Variants in CHM observed in about 807,000 individuals in gnomAD.
CHM encodes rab proteins geranylgeranyltransferase component A 1.
CHM carries 10 observed loss-of-function variants against 49.0 expected under a neutral mutation model. That is an observed-to-expected ratio of 0.20 (90% CI 0.13 to 0.35). CHM has a LOEUF of 0.35. Ranked by LOEUF, CHM falls within the 10% of genes least tolerant of loss-of-function variation. The pLI is 1.00. For synonymous variants in CHM, 184 were observed against 167.5 expected (o/e 1.10, Z -0.76); for missense variants, 455 against 478.4 (o/e 0.95, Z 0.46).
At chrX:85,909,377 T>C (rs755755296) in intron 9 of CHM, among the ~76,000 whole-genome samples, 1 of 111,359 alleles carries the variant, frequency 9.0e-6, no homozygotes, top group Non-Finnish European at 1.9e-5. Context: ...ATCAGTGTTA[T>C]CTAATCTAAG....
Position 85,917,271 on chromosome X carries a change from C to A in CHM, c.1167-5933G>T, listed in dbSNP as rs187784369. 2.1e-3 allele frequency among the ~76,000 whole-genome samples: 233 copies of A among 110,428 alleles called. 1 individual carries two copies. Among genetic ancestry groups the A allele is most frequent in the Middle Eastern group, 4.6e-3 (1 of 216 alleles). ...GAATATGTGGTCATATAGAGGGGAA[C>A]AACATACACTGGGGCCTATGGGTCA... On this transcript the variant is annotated intron_variant, in intron 8 of 14. Transcript: ENST00000357749.
At chrX:86,034,438 G>T (rs1265893533) in intron 1 of CHM, among the ~76,000 whole-genome samples, 2 of 111,489 alleles carry the variant, frequency 1.8e-5, no homozygotes, top group African/African-American at 3.3e-5. Context: ...CCCCAAAATA[G>T]AAATGGGTAG....
intron 1 of CHM, among the ~76,000 whole-genome samples, chrX:86,036,818 C>A (rs1428306762): frequency 9.0e-6 from 1 of 111,231 alleles, no homozygotes; most frequent in Non-Finnish European, 1.9e-5. Context: ...GGAATTTGGG[C>A]AAGATAAAAA....
chrX:85,875,455 T>C (rs901938595), intron 13 of CHM, among the ~76,000 whole-genome samples: 1 of 111,354 alleles, frequency 9.0e-6, no homozygotes, highest in African/African-American at 3.3e-5. Flanking sequence ...CAAATTAAAC[T>C]GGAGTAAGTG....
intron 1 of CHM, among the ~76,000 whole-genome samples, chrX:86,035,482 A>T (rs1366151195): frequency 8.9e-6 from 1 of 111,901 alleles, no homozygotes; most frequent in Non-Finnish European, 1.9e-5. Context: ...AATGGAGTTA[A>T]AAAATTAAAG....
At chrX:85,996,520 T>A (rs1032899674) in intron 2 of CHM, among the ~76,000 whole-genome samples, 1 of 111,426 alleles carries the variant, frequency 9.0e-6, no homozygotes, top group African/African-American at 3.3e-5. Context: ...GGAAAATAAA[T>A]CTTGGGACCC....
intron 4 of CHM, among the ~76,000 whole-genome samples, chrX:85,973,300 CAAAAAAAAAAAAAAAAA>C (rs58103002): frequency 2.6e-3 from 42 of 16,338 alleles, no homozygotes; most frequent in African/African-American, 0.011. Context: ...TCTGTCTCGA[CAAAAAAAAAAAAAAAAA>C]AAAAAAAAAA....
chrX:85,907,083 T>C (rs1328781573), intron 9 of CHM, among the ~76,000 whole-genome samples: 2 of 111,609 alleles, frequency 1.8e-5, no homozygotes, highest in African/African-American at 3.3e-5. Context: ...TGAGCTGAGA[T>C]TGCACCACTG....
intron 4 of CHM, among the ~76,000 whole-genome samples, chrX:85,972,781 T>C (rs903395793): frequency 8.9e-6 from 1 of 111,957 alleles, no homozygotes; most frequent in Non-Finnish European, 1.9e-5. Flanking sequence ...AGCTCTGGCC[T>C]TGCCAGCCCA....
At chrX:85,990,949 C>T (rs946069301) in intron 2 of CHM, among the ~76,000 whole-genome samples, 2 of 111,799 alleles carry the variant, frequency 1.8e-5, no homozygotes, top group Non-Finnish European at 3.8e-5. Context: ...AGAACAGTAA[C>T]AAAAGATGAA....
intron 2 of CHM, among the ~76,000 whole-genome samples, chrX:86,006,113 G>T (rs1432141154): frequency 9.0e-6 from 1 of 111,625 alleles, no homozygotes; most frequent in African/African-American, 3.3e-5. Flanking sequence ...TTCAACATAC[G>T]CAAATCAATA....
At chrX:86,013,709 T>A (rs1385831139) in intron 2 of CHM, among the ~76,000 whole-genome samples, 1 of 90,201 alleles carries the variant, frequency 1.1e-5, no homozygotes, top group African/African-American at 3.7e-5. Context: ...CACTCCAGCC[T>A]GGCAATGGAA....
chrX:86,032,645 A>G (rs1934087712), intron 1 of CHM, among the ~76,000 whole-genome samples: 1 of 112,430 alleles, frequency 8.9e-6, no homozygotes, highest in South Asian at 3.6e-4. Flanking sequence ...ATTATTGAAT[A>G]TAATTATTAC....
intron 11 of CHM, among the ~76,000 whole-genome samples, chrX:85,895,291 A>G (rs1465518078): frequency 1.0e-5 from 1 of 99,796 alleles, no homozygotes; most frequent in African/African-American, 3.7e-5. Flanking sequence ...ATGCATTACT[A>G]CACCTGGCTA....
rs371071459 is a variant in CHM at position 86,027,512 on chromosome X, C to T, written c.95G>A (p.Arg32Gln). 7.5e-6 allele frequency: 9 copies of T among 1,206,684 alleles called. No homozygotes were observed. Among genetic ancestry groups the T allele is most frequent in the East Asian group, 3.0e-5 (1 of 33,723 alleles). The change falls in exon 2 of 15, where the codon CGG (arginine) becomes CAG (glutamine). Residue 32 changes from arginine to glutamine, a missense_variant. Coordinates refer to ENST00000357749, the MANE Select transcript of CHM (RefSeq NM_000390.4). ...IIAAACSRSGRRVLHVDSRSY... is the reference protein window; with the variant it reads ...IIAAACSRSGQRVLHVDSRSY... Reference sequence around the variant, plus strand: ...TTACGAATCAACATGCAGAACTCTCCGGCCACTTCTTGAACATGCAGCTGC... The same window carrying T: ...TTACGAATCAACATGCAGAACTCTCTGGCCACTTCTTGAACATGCAGCTGC...
At chrX:85,981,091 T>A (rs1931564765) in intron 3 of CHM, among the ~76,000 whole-genome samples, 1 of 108,330 alleles carries the variant, frequency 9.2e-6, no homozygotes, top group Non-Finnish European at 1.9e-5. Flanking sequence ...GACTAGGATA[T>A]TTTTTCTAAA....
intron 14 of CHM, among the ~76,000 whole-genome samples, chrX:85,871,411 A>G (rs1603233616): frequency 9.1e-6 from 1 of 109,721 alleles, no homozygotes; most frequent in African/African-American, 3.3e-5. Context: ...CATTTGGAAA[A>G]TACCAATCAC....
intron 2 of CHM, among the ~76,000 whole-genome samples, chrX:85,983,574 G>GA (rs1569238118): frequency 9.0e-6 from 1 of 111,375 alleles, no homozygotes; most frequent in African/African-American, 3.3e-5. Flanking sequence ...TGAAGGAGGG[G>GA]AAAAAAACCT....
intron 1 of CHM, among the ~76,000 whole-genome samples, chrX:86,045,866 C>T (rs1424342838): frequency 1.8e-5 from 2 of 112,078 alleles, no homozygotes; most frequent in African/African-American, 6.5e-5. Context: ...TATGGTATAA[C>T]AACTATTCCA....
Sources: gnomAD v4.1 joint callset for allele counts (sites outside exome capture counted in the v4.1 genomes callset) on GRCh38, gnomAD v4.1.1 for gene constraint, MANE v1.5 for transcripts, NCBI Gene and HGNC (gene_info 2026-07-23, HGNC 2026-07-21) for gene names.